ITFG1: variants seen among roughly 807,000 people sequenced by gnomAD.
ITFG1 encodes integrin alpha FG-GAP repeat containing 1.
A neutral mutation model predicts 81.8 loss-of-function variants in ITFG1; 34 were observed. That is an observed-to-expected ratio of 0.42 (90% confidence interval 0.32 to 0.55). The LOEUF (loss-of-function observed/expected upper bound fraction) is 0.55. ITFG1 is among the 20% of genes least tolerant of loss of function. The pLI is 0.17. For synonymous variants in ITFG1, 285 were observed against 270.6 expected, an observed-to-expected ratio of 1.05 and a Z score of -0.52; for missense variants, 672 against 755.4, an observed-to-expected ratio of 0.89 and a Z score of 1.29.
chr16:47,193,387 CA>C (rs1448952661), intron 14 of ITFG1, among the ~76,000 whole-genome samples: 1 of 151,988 alleles, frequency 6.6e-6, no homozygotes, highest in African/African-American at 2.4e-5. Context: ...TCTGTTTCAA[CA>C]AAACCTACAT....
At chr16:47,273,272 G>C (rs1966362232) in intron 10 of ITFG1, among the ~76,000 whole-genome samples, 1 of 151,612 alleles carries the variant, frequency 6.6e-6, no homozygotes, top group Admixed American at 6.6e-5. Context: ...ATAAACCTTA[G>C]GAAAGCCAGT....
rs149989295 is a variant in ITFG1, at chr16:47,376,736, G to A, written c.656-796C>T. On this transcript the variant is annotated intron_variant, in intron 6 of 17. Transcript: ENST00000320640. ...GGCGCTGTGGCTCACGCCTATAATC[G>A]CAGCACTTTGGGAAGCCGAGGTGGC... Among the ~76,000 whole-genome samples the A allele has an allele frequency of 7.6e-4, 115 of 151,980 alleles. No homozygotes were observed. The South Asian group carries it at 0.022, about 29-fold the overall frequency.
At chr16:47,370,335 G>A (rs1420873594) in intron 7 of ITFG1, among the ~76,000 whole-genome samples, 3 of 152,096 alleles carry the variant, frequency 2.0e-5, no homozygotes, top group Non-Finnish European at 4.4e-5. Flanking sequence ...GCTTTTCCGA[G>A]GCCGCCATGG....
intron 12 of ITFG1, among the ~76,000 whole-genome samples, chr16:47,255,028 A>C (rs1966123756): frequency 6.6e-6 from 1 of 152,216 alleles, no homozygotes; most frequent in Non-Finnish European, 1.5e-5. Flanking sequence ...CGGAGGGTGC[A>C]GTCAGCCAAG....
chr16:47,266,642 A>G (rs556365671), intron 10 of ITFG1, among the ~76,000 whole-genome samples: 3 of 152,374 alleles, frequency 2.0e-5, no homozygotes, highest in Admixed American at 6.5e-5. Flanking sequence ...AAAACAGTCT[A>G]GCAGTTACTC....
intron 6 of ITFG1, among the ~76,000 whole-genome samples, chr16:47,388,101 T>A (rs1442627092): frequency 6.6e-6 from 1 of 152,060 alleles, no homozygotes; most frequent in African/African-American, 2.4e-5. Flanking sequence ...AGCTTTGAAC[T>A]GCCAGAAGAA....
At chr16:47,430,022 T>C (rs1969073709) in intron 5 of ITFG1, among the ~76,000 whole-genome samples, 1 of 151,482 alleles carries the variant, frequency 6.6e-6, no homozygotes, top group South Asian at 2.1e-4. Context: ...AGTATATGAC[T>C]TGTCTCCTAG....
At position 47,294,573 on chromosome 16, in the gene ITFG1, T is replaced by C. The variant is rs1232803179; in HGVS notation, c.1070+16667A>G. 2.0e-5 allele frequency among the ~76,000 whole-genome samples: 3 copies of C among 152,260 alleles called. No homozygotes were observed. The East Asian group carries it at 5.8e-4, about 29-fold the overall frequency. On this transcript the variant is annotated intron_variant, in intron 10 of 17. Coordinates refer to ENST00000320640, the MANE Select transcript of ITFG1 (RefSeq NM_030790.5). Reference sequence around the variant, plus strand: ...GTTTTCCTTGTAGAGATCTTTCAACTTATTAGTGAAATATATTCCTAAGTA... The same window carrying C: ...GTTTTCCTTGTAGAGATCTTTCAACCTATTAGTGAAATATATTCCTAAGTA...
At chr16:47,247,879 AG>A (rs1966021303) in intron 12 of ITFG1, among the ~76,000 whole-genome samples, 1 of 152,162 alleles carries the variant, frequency 6.6e-6, no homozygotes, top group Non-Finnish European at 1.5e-5. Context: ...AAAATTATCT[AG>A]AGAACAAAGC....
intron 10 of ITFG1, among the ~76,000 whole-genome samples, chr16:47,276,958 C>A (rs1210015116): frequency 6.6e-6 from 1 of 152,076 alleles, no homozygotes; most frequent in Non-Finnish European, 1.5e-5. Flanking sequence ...CAAGATAGAT[C>A]ATTATTACCT....
chr16:47,379,155 C>A (rs1968363552), intron 6 of ITFG1, among the ~76,000 whole-genome samples: 1 of 152,180 alleles, frequency 6.6e-6, no homozygotes, highest in African/African-American at 2.4e-5. Context: ...TGGACCCACT[C>A]ACCACAACTC....
chr16:47,368,555 CAAAAAAAAAAAAAAAAA>C (rs35965452), intron 7 of ITFG1, among the ~76,000 whole-genome samples: 10 of 33,550 alleles, frequency 3.0e-4, no homozygotes, highest in Admixed American at 5.6e-4. Context: ...GACTCCATCT[CAAAAAAAAAAAAAAAAA>C]AAAAAAAAAA....
chr16:47,417,564 T>C (rs1279098638), intron 6 of ITFG1, among the ~76,000 whole-genome samples: 1 of 152,212 alleles, frequency 6.6e-6, no homozygotes, highest in Non-Finnish European at 1.5e-5. Flanking sequence ...ACTTTGCTTC[T>C]GGTAACTATT....
intron 13 of ITFG1, 54 bp downstream of exon 13, chr16:47,237,911 A>G: frequency 1.3e-6 from 1 of 768,050 alleles, no homozygotes; most frequent in Non-Finnish European, 2.2e-6. Context: ...GTGTGTGTCT[A>G]CTTATACATA....
At chr16:47,341,072 C>T (rs1303148069) in intron 8 of ITFG1, among the ~76,000 whole-genome samples, 1 of 151,816 alleles carries the variant, frequency 6.6e-6, no homozygotes, top group Non-Finnish European at 1.5e-5. Flanking sequence ...TGAAAATTAA[C>T]ACACTCTAAA....
intron 14 of ITFG1, among the ~76,000 whole-genome samples, chr16:47,193,481 G>A (rs1965317662): frequency 6.6e-6 from 1 of 152,026 alleles, no homozygotes; most frequent in Non-Finnish European, 1.5e-5. Flanking sequence ...TATATTTTGA[G>A]CCCAAGAGTT....
chr16:47,164,194 T>C (rs900809484), intron 14 of ITFG1, among the ~76,000 whole-genome samples: 5 of 151,812 alleles, frequency 3.3e-5, no homozygotes, highest in African/African-American at 9.7e-5. Context: ...TTTTTTTTTT[T>C]CATGTAGTGA....
chr16:47,164,832 C>T (rs978261254), intron 14 of ITFG1, among the ~76,000 whole-genome samples: 5 of 152,224 alleles, frequency 3.3e-5, no homozygotes, highest in Non-Finnish European at 5.9e-5. Context: ...CAGTCATATC[C>T]ATTGGCTGTG....
At chr16:47,367,498 A>G (rs764823779) in intron 7 of ITFG1, among the ~76,000 whole-genome samples, 1 of 152,224 alleles carries the variant, frequency 6.6e-6, no homozygotes, top group Non-Finnish European at 1.5e-5. Context: ...TAGCATACAA[A>G]CAGACATCCC....
Sources: gnomAD v4.1 joint callset for allele counts (sites outside exome capture counted in the v4.1 genomes callset) on GRCh38, gnomAD v4.1.1 for gene constraint, MANE v1.5 for transcripts, NCBI Gene and HGNC (gene_info 2026-07-23, HGNC 2026-07-21) for gene names.